The following ARHGAP21 variants were observed in gnomAD, a reference collection of about 807,000 sequenced individuals.
The protein encoded by ARHGAP21 is rho GTPase-activating protein 21.
ARHGAP21 carries 38 observed loss-of-function variants against 164.6 expected under a neutral mutation model. The observed-to-expected ratio is 0.23, with a 90% confidence interval of 0.18 to 0.30. ARHGAP21 has a LOEUF of 0.30. ARHGAP21 is among the 10% of genes least tolerant of loss of function. The pLI, the probability that ARHGAP21 is intolerant of heterozygous loss-of-function variation, is 1.00. For missense variants in ARHGAP21, 1,822 were observed against 2,370.7 expected (o/e 0.77, Z 4.81); for synonymous variants, 766 against 857.9 (o/e 0.89, Z 1.87).
chr10:24,633,045 T>C (rs1426697057), intron 6 of ARHGAP21, among the ~76,000 whole-genome samples: 2 of 152,210 alleles, frequency 1.3e-5, no homozygotes, highest in Admixed American at 6.5e-5. Flanking sequence ...AAAAGTAACA[T>C]ACCCCTGTAA....
chr10:24,680,382 G>A (rs533995558), intron 2 of ARHGAP21, among the ~76,000 whole-genome samples: 23 of 152,152 alleles, frequency 1.5e-4, no homozygotes, highest in Admixed American at 1.4e-3. Flanking sequence ...TGGCCTCACA[G>A]CTCCCAAATA....
intron 2 of ARHGAP21, among the ~76,000 whole-genome samples, chr10:24,689,823 T>C (rs1379244790): frequency 6.8e-6 from 1 of 147,066 alleles, no homozygotes; most frequent in African/African-American, 2.5e-5. Flanking sequence ...TATATATATG[T>C]ATATATGTAT....
intron 7 of ARHGAP21, among the ~76,000 whole-genome samples, chr10:24,625,059 G>GGGGGGGGGGGGGGGGGGGA (rs1834973773): frequency 1.3e-5 from 1 of 77,646 alleles, no homozygotes; most frequent in Non-Finnish European, 2.5e-5. Context: ...GTGGGGGGGG[G>GGGGGGGGGGGGGGGGGGGA]GGGGGAGGAG....
chr10:24,655,272 G>T (rs530207433), intron 4 of ARHGAP21, among the ~76,000 whole-genome samples: 5 of 152,262 alleles, frequency 3.3e-5, no homozygotes, highest in Admixed American at 3.3e-4. Flanking sequence ...TGACAAATGG[G>T]ATCTAATTAA....
chr10:24,620,125 T>C lies in ARHGAP21; in HGVS notation c.1770A>G (p.Leu590=), dbSNP rs773815211. 12 of 1,613,870 alleles carry C rather than the reference T, an allele frequency of 7.4e-6. No individual in the cohort carries two copies. In the East Asian group the frequency reaches 1.1e-4, roughly 15 times the overall value. The change falls in exon 9 of 26, where the codon CTA becomes CTG. Residue 590 remains leucine, a synonymous_variant. Coordinates refer to ENST00000396432, the MANE Select transcript of ARHGAP21 (RefSeq NM_020824.4). ...AATTTCTGTTTGACTGCAATGTTTT[T>C]AGATCTGGTGGAATTTTTTTAAACT... is the stretch of plus-strand genomic sequence containing the variant. ...VSQFKKIPPD[L]KTLQSNRNFQ...
intron 21 of ARHGAP21, among the ~76,000 whole-genome samples, chr10:24,594,160 A>G (rs539429366): frequency 3.5e-4 from 54 of 152,338 alleles, no homozygotes; most frequent in Non-Finnish European, 6.3e-4. Context: ...CGACTGCTTC[A>G]GTACTTTAAG....
intron 2 of ARHGAP21, chr10:24,706,701 C>T (rs1369725405): frequency 2.6e-5 from 4 of 152,560 alleles, no homozygotes; most frequent in Non-Finnish European, 5.9e-5. Flanking sequence ...ATAAGATCTT[C>T]CCCTCCCTTT....
chr10:24,602,762 C>A (rs559155994), intron 12 of ARHGAP21, among the ~76,000 whole-genome samples: 1 of 151,966 alleles, frequency 6.6e-6, no homozygotes, highest in Non-Finnish European at 1.5e-5. Flanking sequence ...AAGGGACACG[C>A]GTGAAAAGAG....
chr10:24,682,655 C>A (rs1050736558), intron 2 of ARHGAP21, among the ~76,000 whole-genome samples: 4 of 151,700 alleles, frequency 2.6e-5, no homozygotes, highest in African/African-American at 9.7e-5. Flanking sequence ...ACTTCACAAG[C>A]AGCTTGTTTA....
rs1845976540 is a variant in ARHGAP21, at chr10:24,721,870, A to C, written c.30T>G (p.Ser10=). The change falls in exon 2 of 26, where the codon TCT becomes TCG. Residue 10 remains serine (S), a synonymous_variant. Coordinates refer to ENST00000396432, the MANE Select transcript of ARHGAP21 (RefSeq NM_020824.4). The part of the protein sequence containing the change: MMATRRTGL[S]EGDGDKLKAC... Reference sequence around the variant, plus strand: ...CCTTGAGCTTGTCACCATCTCCCTCAGACAGACCAGTCCGACGCGTGGCCA... The same window carrying C: ...CCTTGAGCTTGTCACCATCTCCCTCCGACAGACCAGTCCGACGCGTGGCCA... The C allele has an allele frequency of 6.2e-7, 1 of 1,614,244 alleles. No individual in the cohort carries two copies. The highest frequency in any genetic ancestry group is 8.5e-7 in the Non-Finnish European group (1 of 1,180,046).
chr10:24,621,281 G>A lies in ARHGAP21; in HGVS notation c.614C>T (p.Pro205Leu), dbSNP rs1834516671. ...GGCTGATGGGGCAGATGGCAGCCAG[G>A]GATAGCAGATTGGTGGAGGTTCAGG... ...NIPEPPPICY[P>L]WLPSAPSAMA... is the part of the protein sequence containing the mutation. The change falls in exon 9 of 26, where the codon CCC becomes CTC. Residue 205 changes from proline to leucine, a missense_variant. Pro to Leu is a moderately conservative substitution (Grantham distance 98). This residue lies in a region of ARHGAP21 where 1,090 missense variants were observed against 1,378.9 expected (regional missense o/e 0.79). Transcript: ENST00000396432. 5 of 1,613,716 alleles carry A rather than the reference G, an allele frequency of 3.1e-6. No homozygotes were observed. In the South Asian group the frequency reaches 4.4e-5, roughly 14 times the overall value.
intron 2 of ARHGAP21, among the ~76,000 whole-genome samples, chr10:24,697,080 C>T (rs1329491220): frequency 6.6e-6 from 1 of 152,092 alleles, no homozygotes; most frequent in Non-Finnish European, 1.5e-5. Flanking sequence ...GAGGCCCGAC[C>T]CAGAATCTCT....
Position 24,719,130 on chromosome 10 carries a change from C to CA in ARHGAP21, c.63+2706_63+2707insT, listed in dbSNP as rs1565215396. 7.4e-5 allele frequency among the ~76,000 whole-genome samples: 11 copies of CA among 148,126 alleles called. No individual in the cohort carries two copies. In the Middle Eastern group the frequency reaches 0.011, roughly 145 times the overall value. Reference sequence around the variant, plus strand: ...ACACACACACACACACACACACACACCCCAAAAATCACTTAAGAGGTTCAG... The same window carrying CA: ...ACACACACACACACACACACACACACACCCAAAAATCACTTAAGAGGTTCAG... On this transcript the variant is annotated intron_variant, in intron 2 of 25. Transcript: ENST00000396432.
At chr10:24,654,255 T>C (rs934073503) in intron 4 of ARHGAP21, among the ~76,000 whole-genome samples, 6 of 152,146 alleles carry the variant, frequency 3.9e-5, no homozygotes, top group Non-Finnish European at 8.8e-5. Flanking sequence ...CTATTCAACA[T>C]AGTGTTGGAC....
intron 2 of ARHGAP21, among the ~76,000 whole-genome samples, chr10:24,680,947 T>C (rs1483672818): frequency 2.6e-5 from 4 of 152,200 alleles, no homozygotes; most frequent in Non-Finnish European, 5.9e-5. Flanking sequence ...GAACTGTCAT[T>C]TGACTCCCTT....
chr10:24,702,488 T>C (rs1281121579), intron 2 of ARHGAP21, among the ~76,000 whole-genome samples: 1 of 152,158 alleles, frequency 6.6e-6, no homozygotes, highest in African/African-American at 2.4e-5. Flanking sequence ...CTACAACTTT[T>C]TAAAATTCAC....
rs3838341 is a variant in ARHGAP21, at chr10:24,604,357, G to GA, written c.2685-10dup. On this transcript the variant is annotated splice_polypyrimidine_tract_variant and intron_variant, in intron 11 of 25. Coordinates refer to ENST00000396432, the MANE Select transcript of ARHGAP21 (RefSeq NM_020824.4). ...ATACGTGCTTAAAGGACCTGTTGGG[G>GA]AAAAAATATATAAATATTTTCAATT... 5 of 1,578,230 alleles carry GA rather than the reference G, an allele frequency of 3.2e-6. No homozygotes were observed. The highest frequency in any genetic ancestry group is 1.8e-5 in the Admixed American group (1 of 55,998).
At chr10:24,656,517 T>A (rs1274730577) in intron 4 of ARHGAP21, among the ~76,000 whole-genome samples, 1 of 33,600 alleles carries the variant, frequency 3.0e-5, no homozygotes, top group Non-Finnish European at 5.6e-5. Context: ...GGAGGGAGGT[T>A]GGGGGGTCAG....
At chr10:24,616,585 A>G (rs551125895) in intron 9 of ARHGAP21, among the ~76,000 whole-genome samples, 38 of 152,328 alleles carry the variant, frequency 2.5e-4, no homozygotes, top group African/African-American at 8.7e-4. Context: ...CACGCAGCCA[A>G]TGTTGGGGTA....
Sources: gnomAD v4.1 joint callset for allele counts (sites outside exome capture counted in the v4.1 genomes callset) on GRCh38, gnomAD v4.1.1 for gene constraint, gnomAD v4.1.1 regional missense constraint, MANE v1.5 for transcripts, NCBI Gene and HGNC (gene_info 2026-07-23, HGNC 2026-07-21) for gene names.